Variants in ATP13A3 observed in about 807,000 individuals in gnomAD.
The protein encoded by ATP13A3 is polyamine-transporting ATPase 13A3.
Under a neutral mutation model 158.1 loss-of-function variants are expected in ATP13A3, and 59 were observed. The observed-to-expected ratio is 0.37, with a 90% CI of 0.30 to 0.46. The LOEUF (loss-of-function observed/expected upper bound fraction) is 0.46. Ranked by LOEUF, ATP13A3 falls within the 20% of genes least tolerant of loss-of-function variation. The probability of loss-of-function intolerance (pLI) is 1.00; values close to 1 mark genes in which losing one functional copy is unlikely to be tolerated. For synonymous variants in ATP13A3, 491 were observed against 504.3 expected, an observed-to-expected ratio of 0.97 and a Z score of 0.35; for missense variants, 1,166 against 1,525.2, an observed-to-expected ratio of 0.76 and a Z score of 3.92.
intron 31 of ATP13A3, among the ~76,000 whole-genome samples, chr3:194,417,950 C>CA (rs1715988022): frequency 1.2e-5 from 1 of 84,254 alleles, no homozygotes; most frequent in African/African-American, 8.9e-5. Flanking sequence ...GACAGACAGA[C>CA]GGACGGACGG....
upstream of ATP13A3, among the ~76,000 whole-genome samples, chr3:194,489,770 T>C (rs536415067): frequency 6.6e-6 from 1 of 152,290 alleles, no homozygotes. The surrounding 1 kb of genome is among the most constrained non-coding windows in gnomAD (Gnocchi z 4.1). Flanking sequence ...GTTTTGAGAA[T>C]GGTGAAAAAA....
chr3:194,443,267 G>GC (rs1718175014), intron 15 of ATP13A3, among the ~76,000 whole-genome samples: 1 of 152,146 alleles, frequency 6.6e-6, no homozygotes, highest in Non-Finnish European at 1.5e-5. Context: ...GTTTTGGGGG[G>GC]CAGGGGAGTG....
intron 22 of ATP13A3, 24 bp from the exon 23 acceptor site, chr3:194,431,250 C>T (rs901318703): frequency 1.9e-6 from 3 of 1,565,904 alleles, no homozygotes; most frequent in Admixed American, 3.6e-5. Context: ...ACATTGGGAA[C>T]AATATTTAGG....
At chr3:194,444,625 T>G (rs533837205) in intron 15 of ATP13A3, 100 bp downstream of exon 15, 5 of 964,704 alleles carry the variant, frequency 5.2e-6, no homozygotes, top group Non-Finnish European at 7.5e-6. Context: ...AATCCTGGTA[T>G]AGGTACACAG....
upstream of ATP13A3, among the ~76,000 whole-genome samples, chr3:194,489,619 G>A (rs1721122439): frequency 2.0e-5 from 3 of 152,098 alleles, no homozygotes; most frequent in African/African-American, 4.8e-5. The surrounding 1 kb of genome is among the most constrained non-coding windows in gnomAD (Gnocchi z 4.1). Context: ...ACCTGTCAAC[G>A]CGTTCGGGCT....
intron 10 of ATP13A3, 47 bp from the exon 11 acceptor site, chr3:194,450,323 C>A: frequency 6.4e-7 from 1 of 1,553,824 alleles, no homozygotes; most frequent in Non-Finnish European, 8.8e-7. Context: ...TATTCTTTAC[C>A]TTGGAAAAAT....
chr3:194,410,661 C>T (rs1022974940), intron 33 of ATP13A3, among the ~76,000 whole-genome samples: 1 of 152,040 alleles, frequency 6.6e-6, no homozygotes, highest in African/African-American at 2.4e-5. Flanking sequence ...GGTTGAAAAG[C>T]AAGGAGAGTC....
At chr3:194,440,208 A>G (rs1010031537) in intron 16 of ATP13A3, among the ~76,000 whole-genome samples, 1 of 152,208 alleles carries the variant, frequency 6.6e-6, no homozygotes, top group Admixed American at 6.5e-5. Flanking sequence ...GGAACGAAAC[A>G]GTAGCCCAGA....
At position 194,445,695 on chromosome 3, in the gene ATP13A3, C is replaced by A. The variant is rs540067701; in HGVS notation, c.1498-909G>T. 2.8e-4 allele frequency among the ~76,000 whole-genome samples: 42 copies of A among 152,160 alleles called. No homozygotes were observed. In the Middle Eastern group the frequency reaches 0.01, roughly 37 times the overall value. On this transcript the variant is annotated intron_variant, in intron 14 of 33. Transcript: ENST00000645319. Reference sequence around the variant, plus strand: ...GTAGCAGTATGTGACATATTTTTTTCTAACAGAACATGTTTCCCATTTTTT... The same window carrying A: ...GTAGCAGTATGTGACATATTTTTTTATAACAGAACATGTTTCCCATTTTTT...
chr3:194,421,722 G>C (rs957815978), intron 30 of ATP13A3, among the ~76,000 whole-genome samples: 6 of 151,896 alleles, frequency 4.0e-5, no homozygotes, highest in African/African-American at 1.5e-4. Context: ...TGTTTGGAAA[G>C]TGGTGGTTGG....
intron 33 of ATP13A3, among the ~76,000 whole-genome samples, chr3:194,410,072 C>T (rs949298384): frequency 3.3e-5 from 5 of 151,758 alleles, no homozygotes; most frequent in African/African-American, 1.2e-4. Context: ...AATCAGTTGA[C>T]ACACAGGGTG....
rs1281817318 is a variant in ATP13A3 at position 194,438,908 on chromosome 3, C to T, written c.1775G>A (p.Arg592His). 5.6e-6 allele frequency: 9 copies of T among 1,610,434 alleles called. No individual in the cohort carries two copies. Among genetic ancestry groups the T allele is most frequent in the African/African-American group, 1.3e-5 (1 of 74,660 alleles). The part of the protein sequence containing the change: ...LHNRIMPTVV[R>H]PPKQLLPEST... ...TTCAGGAAGCAGTTGTTTGGGAGGA[C>T]GAACCACTGTGGGCATAATTCGATT... Residue 592 changes from arginine to histidine, a missense_variant, in exon 17 of 34, where the codon CGT becomes CAT. Transcript: ENST00000645319.
In ATP13A3 at chr3:194,454,643, C is replaced by T. The variant is rs534509790; in HGVS notation, c.631-251G>A. Among the ~76,000 whole-genome samples, 186 of 151,884 alleles carry T rather than the reference C, an allele frequency of 1.2e-3. 1 individual carries two copies. The Middle Eastern group carries it at 0.014, about 11-fold the overall frequency. On this transcript the variant is annotated intron_variant, in intron 8 of 33. Transcript: ENST00000645319. ...GGAGATCAAAACATCCTGGCTAACA[C>T]GGTGAAACCCTGTCTCTACTAAAAA...
intron 17 of ATP13A3, among the ~76,000 whole-genome samples, chr3:194,438,425 C>G (rs1678459736): frequency 6.6e-6 from 1 of 152,086 alleles, no homozygotes; most frequent in Non-Finnish European, 1.5e-5. Flanking sequence ...TCTAGGAATA[C>G]AGATGCAATT....
At chr3:194,433,973 C>A in intron 20 of ATP13A3, 77 bp from the exon 21 acceptor site, 1 of 1,380,318 alleles carries the variant, frequency 7.2e-7, no homozygotes, top group Non-Finnish European at 9.9e-7. Flanking sequence ...CTTGAAATAT[C>A]TAAACAATTA....
chr3:194,470,131 T>C (rs931313659), intron 2 of ATP13A3, among the ~76,000 whole-genome samples: 3 of 152,188 alleles, frequency 2.0e-5, no homozygotes, highest in African/African-American at 7.2e-5. Context: ...AACAAAGCTC[T>C]ACTCAATACC....
chr3:194,447,845 T>C lies in ATP13A3; in HGVS notation c.1308+7A>G, dbSNP rs763404418. 2.5e-6 allele frequency: 4 copies of C among 1,604,122 alleles called. No individual in the cohort carries two copies. Among genetic ancestry groups the C allele is most frequent in the South Asian group, 2.2e-5 (2 of 90,814 alleles). On this transcript the variant is annotated splice_region_variant and intron_variant, in intron 13 of 33. Transcript: ENST00000645319. Reference sequence around the variant, plus strand: ...TTCAAACCCTATTAAGAGTCCCACATACATACCTCATTTAAAATGCTATTA... The same window carrying C: ...TTCAAACCCTATTAAGAGTCCCACACACATACCTCATTTAAAATGCTATTA...
At chr3:194,453,339 T>C (rs1306304381) in intron 10 of ATP13A3, among the ~76,000 whole-genome samples, 2 of 139,044 alleles carry the variant, frequency 1.4e-5, no homozygotes, top group African/African-American at 5.3e-5. Flanking sequence ...AAACCTGTAA[T>C]CCCAACACTT....
chr3:194,411,938 T>C (rs1715466145), intron 33 of ATP13A3, among the ~76,000 whole-genome samples: 2 of 151,992 alleles, frequency 1.3e-5, no homozygotes, highest in Admixed American at 1.3e-4. Context: ...AAATAGAAGA[T>C]CAGGATTGGA....
Sources: allele counts gnomAD v4.1 joint callset (sites outside exome capture counted in the v4.1 genomes callset), GRCh38; gene constraint gnomAD v4.1.1; non-coding constraint Gnocchi (gnomAD v3.1); transcripts MANE v1.5; gene names NCBI Gene and HGNC (gene_info 2026-07-23, HGNC 2026-07-21).